The following TMEM120B variants were observed in gnomAD, a reference collection of about 807,000 sequenced individuals.
TMEM120B encodes the protein transmembrane protein 120B.
A neutral mutation model predicts 55.5 loss-of-function variants in TMEM120B; 31 were observed. The ratio of observed to expected loss-of-function variants is 0.56; its 90% CI spans 0.42 to 0.75. The LOEUF is 0.75. Ranked by LOEUF, TMEM120B falls within the 30% of genes least tolerant of loss-of-function variation. The pLI is 0.00. For missense variants in TMEM120B, 399 were observed against 425.5 expected (o/e 0.94, Z 0.55); for synonymous variants, 203 against 176.3 (o/e 1.15, Z -1.20).
chr12:121,753,293 CA>C (rs1259837846), intron 5 of TMEM120B, among the ~76,000 whole-genome samples: 1 of 151,958 alleles, frequency 6.6e-6, no homozygotes, highest in African/African-American at 2.4e-5. Flanking sequence ...GAGTGGTGGC[CA>C]GGGGCTGCGG....
intron 2 of TMEM120B, among the ~76,000 whole-genome samples, chr12:121,746,181 GC>G (rs201803913): frequency 3.2e-4 from 46 of 142,820 alleles, no homozygotes; most frequent in African/African-American, 1.2e-3. Context: ...TTCTTAAACC[GC>G]CCCCCCACTT....
chr12:121,726,602 AT>A (rs1894899105), intron 1 of TMEM120B, among the ~76,000 whole-genome samples: 1 of 150,388 alleles, frequency 6.6e-6, no homozygotes, highest in African/African-American at 2.4e-5. Context: ...AAATAAAATA[AT>A]AATAATAATG....
chr12:121,758,678 G>A (rs1873562813), intron 5 of TMEM120B: 1 of 974,272 alleles, frequency 1.0e-6, no homozygotes, highest in East Asian at 1.2e-4. Context: ...GGAGGAGGAT[G>A]GCCTAGCTCC....
intron 1 of TMEM120B, among the ~76,000 whole-genome samples, chr12:121,720,183 C>T (rs1894768882): frequency 6.6e-6 from 1 of 152,170 alleles, no homozygotes; most frequent in Non-Finnish European, 1.5e-5. Context: ...AATCACTTAA[C>T]CATTGTGTTT....
In TMEM120B at chr12:121,780,956, G is replaced by A. The variant is rs760874745; in HGVS notation, c.*5234G>A. 1.2e-5 allele frequency: 20 copies of A among 1,614,020 alleles called. No individual in the cohort carries two copies. Among genetic ancestry groups the A allele is most frequent in the Non-Finnish European group, 1.6e-5 (19 of 1,180,010 alleles). ...CCTTCCTCAGGTCTGTCTTGCAGCC[G>A]ATGAGCACCATGGGGATCCCGCGGC... On this transcript the variant is annotated 3_prime_UTR_variant, in exon 12 of 12. Transcript: ENST00000449592.
At chr12:121,746,490 G>C (rs1168020957) in intron 2 of TMEM120B, among the ~76,000 whole-genome samples, 1 of 151,968 alleles carries the variant, frequency 6.6e-6, no homozygotes, top group African/African-American at 2.4e-5. Context: ...CCCGGCCTTG[G>C]TTGTTTTCTT....
At chr12:121,754,866 A>G (rs985957983) in intron 5 of TMEM120B, among the ~76,000 whole-genome samples, 1 of 152,180 alleles carries the variant, frequency 6.6e-6, no homozygotes, top group African/African-American at 2.4e-5. Flanking sequence ...CGGGCCGTTC[A>G]TCTCTGTGCC....
rs1234584550 is a variant in TMEM120B, at chr12:121,745,483, C to T, written c.188+1736C>T. ...TCGGCTCACTGCAACCTCTGCCTCC[C>T]GGGTTCAAGCAATTCTTCCTGTCTC... On this transcript the variant is annotated intron_variant, in intron 2 of 11. Transcript: ENST00000449592. 8.2e-5 allele frequency among the ~76,000 whole-genome samples: 12 copies of T among 146,898 alleles called. 1 individual carries two copies. Among genetic ancestry groups the T allele is most frequent in the African/African-American group, 1.3e-4 (5 of 39,536 alleles).
intron 1 of TMEM120B, among the ~76,000 whole-genome samples, chr12:121,741,703 G>C (rs1031212214): frequency 6.6e-6 from 1 of 152,098 alleles, no homozygotes; most frequent in African/African-American, 2.4e-5. Flanking sequence ...CATAATCTCA[G>C]CTCACCGCAA....
intron 1 of TMEM120B, among the ~76,000 whole-genome samples, chr12:121,716,853 A>C (rs1894712628): frequency 1.3e-5 from 2 of 151,998 alleles, no homozygotes; most frequent in Non-Finnish European, 2.9e-5. Flanking sequence ...GAGCCACTGC[A>C]CCTGGCTTTC....
At chr12:121,752,971 A>G (rs1873374724) in intron 5 of TMEM120B, among the ~76,000 whole-genome samples, 1 of 151,992 alleles carries the variant, frequency 6.6e-6, no homozygotes, top group Non-Finnish European at 1.5e-5. Context: ...AGCTGGGTGC[A>G]GTGGCTCACA....
rs1874053957 is a variant in TMEM120B, at chr12:121,771,554, G to C, written c.679+5G>C. 1 of 1,613,694 alleles carries C rather than the reference G, an allele frequency of 6.2e-7. No homozygotes were observed. Among genetic ancestry groups the C allele is most frequent in the Admixed American group, 1.7e-5 (1 of 59,990 alleles). ...TAGCATTTTCCATTTTTCAGAGTGA[G>C]TGACTGTTGCCTGGATTTGGGGGAA... On this transcript the variant is annotated splice_donor_5th_base_variant and intron_variant, in intron 8 of 11. Transcript: ENST00000449592.
chr12:121,778,060 C>T lies in TMEM120B; in HGVS notation c.*2338C>T, dbSNP rs959268627. 1 of 152,176 alleles carries T rather than the reference C, an allele frequency of 6.6e-6. No homozygotes were observed. 9.4% of individuals were successfully genotyped at this position (152,176 alleles called of 1,614,324 possible). ...GGGGAAGGCTAGGAGTTGCCTGAAG[C>T]CATTATCCCATCTTAGGCGACACCG... is the stretch of plus-strand genomic sequence containing the variant. On this transcript the variant is annotated 3_prime_UTR_variant, in exon 12 of 12. Coordinates refer to ENST00000449592, the MANE Select transcript of TMEM120B (RefSeq NM_001080825.2).
In TMEM120B at chr12:121,736,480, T is replaced by C. The variant is rs548511215; in HGVS notation, c.70-7149T>C. On this transcript the variant is annotated intron_variant, in intron 1 of 11. Transcript: ENST00000449592. ...ACCGTGCCCGGCCGGTCTCGAACTC[T>C]TGACCTCAGGTGATCCGCCTGCCTT... 5.3e-5 allele frequency among the ~76,000 whole-genome samples: 8 copies of C among 151,368 alleles called. No homozygotes were observed. In the South Asian group the frequency reaches 1.5e-3, roughly 28 times the overall value.
Position 121,774,710 on chromosome 12 carries a change from C to CT in TMEM120B, c.827dup (p.Cys277LeufsTer15). ...GCCTCACCTTTCTCCTGCCCTTCCT[C>CT]TTCTGTGGCCATGTGAGTCCCCCTG... On this transcript the variant is annotated frameshift_variant, in exon 10 of 12. Coordinates refer to ENST00000449592, the MANE Select transcript of TMEM120B (RefSeq NM_001080825.2). LOFTEE classifies it high-confidence loss of function. The CT allele has an allele frequency of 6.2e-7, 1 of 1,613,982 alleles. No individual in the cohort carries two copies. The highest frequency in any genetic ancestry group is 2.2e-5 in the East Asian group (1 of 44,872).
At chr12:121,721,622 C>A (rs1418463538) in intron 1 of TMEM120B, among the ~76,000 whole-genome samples, 4 of 151,738 alleles carry the variant, frequency 2.6e-5, no homozygotes, top group Non-Finnish European at 4.4e-5. Context: ...CAGGCAGGCA[C>A]CACCACGCCC....
chr12:121,713,538 G>A lies in TMEM120B; in HGVS notation c.69+574G>A, dbSNP rs113634090. Among the ~76,000 whole-genome samples, 499 of 152,320 alleles carry A rather than the reference G, an allele frequency of 3.3e-3. 2 individuals are homozygous for A. Among genetic ancestry groups the A allele is most frequent in the African/African-American group, 0.011 (473 of 41,568 alleles). On this transcript the variant is annotated intron_variant, in intron 1 of 11. Transcript: ENST00000449592. ...CTGCAGGCTGATTTTGGCGTGGAGA[G>A]CATCTGTCAGTTCGGACAGCTGAGT...
At position 121,775,839 on chromosome 12, in the gene TMEM120B, C is replaced by T; in HGVS notation, c.*117C>T. On this transcript the variant is annotated 3_prime_UTR_variant, in exon 12 of 12. Coordinates refer to ENST00000449592, the MANE Select transcript of TMEM120B (RefSeq NM_001080825.2). This position sits in a 1 kb window ranked among gnomAD's most constrained non-coding sequence, Gnocchi z 4.3. The stretch of plus-strand genomic sequence containing the variant: ...TGGGAGAGGGCCCAGGCCCTGGTCC[C>T]CCAGTGGACCCCAGTGGTCTAGAGG... 1 of 981,684 alleles carries T rather than the reference C, an allele frequency of 1.0e-6. No individual in the cohort carries two copies. The highest frequency in any genetic ancestry group is 1.6e-6 in the Non-Finnish European group (1 of 637,426). 60.8% of individuals were successfully genotyped at this position (981,684 alleles called of 1,614,324 possible).
chr12:121,756,220 G>A (rs1286744078), intron 5 of TMEM120B, among the ~76,000 whole-genome samples: 2 of 152,136 alleles, frequency 1.3e-5, no homozygotes, highest in African/African-American at 2.4e-5. Context: ...GAGATGGGCC[G>A]GGTGTGGTGG....
Sources: gnomAD v4.1 joint callset for allele counts (sites outside exome capture counted in the v4.1 genomes callset) on GRCh38, gnomAD v4.1.1 for gene constraint, Gnocchi (gnomAD v3.1) non-coding constraint, MANE v1.5 for transcripts, NCBI Gene and HGNC (gene_info 2026-07-23, HGNC 2026-07-21) for gene names.